Variants in JARID2 observed in about 807,000 individuals in gnomAD.
JARID2 encodes jumonji and AT-rich interaction domain containing 2.
Under a neutral mutation model 125.6 loss-of-function variants are expected in JARID2, and 21 were observed. The ratio of observed to expected loss-of-function variants is 0.17; its 90% CI spans 0.12 to 0.24. JARID2 has a LOEUF of 0.24. JARID2 is among the 10% of genes least tolerant of loss of function. JARID2 has a pLI of 1.00. For synonymous variants in JARID2, 736 were observed against 661.6 expected, an observed-to-expected ratio of 1.11 and a Z score of -1.73; for missense variants, 1,303 against 1,639.6, an observed-to-expected ratio of 0.79 and a Z score of 3.55.
chr6:15,512,225 G>A lies in JARID2; in HGVS notation c.2970G>A (p.Leu990=). ...ESNVMISPEV[L]CKEGIKVHRT... is the part of the protein sequence containing the mutation. ...CTCCCCAGATCTCCCCGGAGGTGCT[G>A]TGCAAAGAGGGGATCAAGGTGCACA... is the stretch of plus-strand genomic sequence containing the variant. Residue 990 remains leucine, a synonymous_variant, in exon 14 of 18, where the codon CTG becomes CTA. Coordinates refer to ENST00000341776, the MANE Select transcript of JARID2 (RefSeq NM_004973.4). 6.2e-7 allele frequency: 1 copy of A among 1,614,150 alleles called. No individual in the cohort carries two copies. The highest frequency in any genetic ancestry group is 1.1e-5 in the South Asian group (1 of 91,070).
intron 2 of JARID2, among the ~76,000 whole-genome samples, chr6:15,387,382 C>G (rs1764826402): frequency 6.6e-6 from 1 of 152,158 alleles, no homozygotes; most frequent in African/African-American, 2.4e-5. Context: ...TCTCACAGTT[C>G]TGGTGTCTGT....
chr6:15,441,093 CTCAGAAAATGTGATAA>C (rs1381883657), intron 3 of JARID2, among the ~76,000 whole-genome samples: 51 of 152,118 alleles, frequency 3.4e-4, no homozygotes, highest in African/African-American at 1.1e-3. Flanking sequence ...TTTTCTGATA[CTCAGAAAATGTGATAA>C]TCAGAAAATG....
At chr6:15,505,348 T>G (rs1415458164) in intron 9 of JARID2, 31 of 4,186 alleles carry the variant, frequency 7.4e-3, no homozygotes, top group Non-Finnish European at 8.7e-3. Flanking sequence ...TTTTGCTGTG[T>G]TTTTTTTTTT....
At chr6:15,337,096 A>C (rs1169775204) in intron 1 of JARID2, among the ~76,000 whole-genome samples, 1 of 152,080 alleles carries the variant, frequency 6.6e-6, no homozygotes, top group African/African-American at 2.4e-5. Flanking sequence ...CCTCTCTTCC[A>C]AAACCCTGCC....
chr6:15,445,045 T>C (rs1767614176), intron 3 of JARID2, among the ~76,000 whole-genome samples: 1 of 152,072 alleles, frequency 6.6e-6, no homozygotes, highest in Non-Finnish European at 1.5e-5. Context: ...TTAATTAACC[T>C]GGAAATTGCT....
chr6:15,496,159 A>G lies in JARID2; in HGVS notation c.934A>G (p.Met312Val). 3 of 1,613,480 alleles carry G rather than the reference A, an allele frequency of 1.9e-6. No homozygotes were observed. The highest frequency in any genetic ancestry group is 1.7e-6 in the Non-Finnish European group (2 of 1,179,570). Reference protein sequence around the residue: ...QVSKVNGVTRMSSLGAGVTSA... With the variant: ...QVSKVNGVTRVSSLGAGVTSA... ...TTCTAAGGTAAACGGAGTCACTCGAATGTCATCTCTGGGTGCAGGTGTAAC... is the reference window on the plus strand; with the variant it reads ...TTCTAAGGTAAACGGAGTCACTCGAGTGTCATCTCTGGGTGCAGGTGTAAC... The change falls in exon 7 of 18, where the codon ATG (methionine) becomes GTG (valine). Residue 312 changes from methionine (M) to valine (V), a missense_variant. Coordinates refer to ENST00000341776, the MANE Select transcript of JARID2 (RefSeq NM_004973.4).
chr6:15,377,707 T>A (rs1026678575), intron 2 of JARID2, among the ~76,000 whole-genome samples: 8 of 152,136 alleles, frequency 5.3e-5, no homozygotes, highest in African/African-American at 1.7e-4. Context: ...TTTTTTTTTT[T>A]ATCTTTAGTA....
At chr6:15,510,278 A>ACC (rs1405409196) in intron 12 of JARID2, among the ~76,000 whole-genome samples, 4 of 152,056 alleles carry the variant, frequency 2.6e-5, no homozygotes, top group African/African-American at 7.2e-5. Flanking sequence ...AGCCCCTCAG[A>ACC]CAGCCTGAGA....
intron 1 of JARID2, among the ~76,000 whole-genome samples, chr6:15,290,785 A>T (rs568333290): frequency 6.6e-6 from 1 of 151,818 alleles, no homozygotes; most frequent in East Asian, 1.9e-4. Flanking sequence ...CGCCCAGTTA[A>T]TTTTTTTTGT....
At position 15,332,562 on chromosome 6, in the gene JARID2, A is replaced by C. The variant is rs557759157; in HGVS notation, c.46-41555A>C. Among the ~76,000 whole-genome samples, 243 of 152,356 alleles carry C rather than the reference A, an allele frequency of 1.6e-3. 1 individual carries two copies. The highest frequency in any genetic ancestry group is 2.7e-3 in the Non-Finnish European group (185 of 68,040). On this transcript the variant is annotated intron_variant, in intron 1 of 17. Transcript: ENST00000341776. ...ATTTATTATAGTGACAAAAGCCTGT[A>C]CAGCAGCTCCAGGAGAAGAGACCAC...
chr6:15,363,794 C>T (rs543946913), intron 1 of JARID2, among the ~76,000 whole-genome samples: 51 of 152,162 alleles, frequency 3.4e-4, no homozygotes, highest in Non-Finnish European at 6.5e-4. Context: ...GGAAAATGTG[C>T]ATCAGAATGG....
At chr6:15,339,634 C>G (rs1300973556) in intron 1 of JARID2, among the ~76,000 whole-genome samples, 2 of 149,500 alleles carry the variant, frequency 1.3e-5, no homozygotes, top group East Asian at 4.0e-4. Flanking sequence ...CTCCTGGGTT[C>G]AAGCGATTCT....
At chr6:15,446,503 G>A (rs1365766445) in intron 3 of JARID2, among the ~76,000 whole-genome samples, 2 of 152,232 alleles carry the variant, frequency 1.3e-5, no homozygotes, top group African/African-American at 2.4e-5. Flanking sequence ...GCCAGGCATG[G>A]CAAGAGAAAG....
intron 2 of JARID2, among the ~76,000 whole-genome samples, chr6:15,375,208 C>T (rs1764306806): frequency 6.6e-6 from 1 of 152,168 alleles, no homozygotes; most frequent in African/African-American, 2.4e-5. Context: ...CACTAGTGCA[C>T]AGCAGTACCT....
At chr6:15,279,857 G>A (rs1760684132) in intron 1 of JARID2, among the ~76,000 whole-genome samples, 1 of 152,090 alleles carries the variant, frequency 6.6e-6, no homozygotes, top group Non-Finnish European at 1.5e-5. Context: ...TCAGTCTCCT[G>A]GCACTTAGGA....
chr6:15,502,594 C>T (rs886838867), intron 8 of JARID2, among the ~76,000 whole-genome samples: 1 of 152,214 alleles, frequency 6.6e-6, no homozygotes, highest in Admixed American at 6.5e-5. Context: ...CTTCTGATAC[C>T]ATCACACATC....
At chr6:15,302,914 T>G (rs1761684794) in intron 1 of JARID2, among the ~76,000 whole-genome samples, 1 of 152,056 alleles carries the variant, frequency 6.6e-6, no homozygotes, top group Non-Finnish European at 1.5e-5. Flanking sequence ...TTTGTATTTT[T>G]TAGTAGAGAC....
intron 4 of JARID2, among the ~76,000 whole-genome samples, chr6:15,453,161 T>C (rs1213294962): frequency 6.6e-6 from 1 of 152,218 alleles, no homozygotes; most frequent in East Asian, 1.9e-4. Flanking sequence ...GTGGCCCCCA[T>C]GCAGTCCTCA....
Position 15,467,314 on chromosome 6 carries a change from G to C in JARID2, c.494-1228G>C, listed in dbSNP as rs1227564448. ...TATTTAGGTAGGAGAGTGAATTGGT[G>C]ATCTATCTCTTCGGTGATGTTACTG... On this transcript the variant is annotated intron_variant, in intron 4 of 17. Transcript: ENST00000341776. 2.6e-5 allele frequency among the ~76,000 whole-genome samples: 4 copies of C among 152,132 alleles called. No individual in the cohort carries two copies. In the East Asian group the frequency reaches 7.7e-4, roughly 29 times the overall value.
Sources: gnomAD v4.1 joint callset for allele counts (sites outside exome capture counted in the v4.1 genomes callset) on GRCh38, gnomAD v4.1.1 for gene constraint, MANE v1.5 for transcripts, NCBI Gene and HGNC (gene_info 2026-07-23, HGNC 2026-07-21) for gene names.